The following SIAE variants were observed in gnomAD, a reference collection of about 807,000 sequenced individuals.
SIAE encodes sialate O-acetylesterase.
SIAE carries 39 observed loss-of-function variants against 52.6 expected under a neutral mutation model. The ratio of observed to expected loss-of-function variants is 0.74; its 90% CI spans 0.57 to 0.97. SIAE has a LOEUF of 0.97. Ranked by LOEUF, SIAE falls within the 50% of genes least tolerant of loss-of-function variation. The pLI, the probability that SIAE is intolerant of heterozygous loss-of-function variation, is 0.00. For synonymous variants in SIAE, 233 were observed against 241.4 expected (o/e 0.97, Z 0.32); for missense variants, 592 against 662.1 (o/e 0.89, Z 1.16).
intron 8 of SIAE, among the ~76,000 whole-genome samples, chr11:124,639,136 C>T (rs1942801590): frequency 6.6e-6 from 1 of 152,174 alleles, no homozygotes. Flanking sequence ...TTCATTTATT[C>T]AATAAATCAA....
upstream of SIAE, chr11:124,674,093 G>T (rs905727602): frequency 3.6e-5 from 9 of 248,006 alleles, no homozygotes; most frequent in Non-Finnish European, 7.2e-5. Flanking sequence ...GCGCGAGTCT[G>T]AAATCCCAGG....
intron 7 of SIAE, among the ~76,000 whole-genome samples, chr11:124,642,869 C>T (rs1449144038): frequency 1.3e-5 from 2 of 152,118 alleles, no homozygotes; most frequent in African/African-American, 4.8e-5. Context: ...AGAAGCCAGG[C>T]CCCCTCCCCT....
chr11:124,657,416 A>C (rs1943118275), intron 3 of SIAE, among the ~76,000 whole-genome samples: 1 of 152,186 alleles, frequency 6.6e-6, no homozygotes, highest in Admixed American at 6.5e-5. Context: ...CAGTGGATGA[A>C]ACTGCTTTCA....
intron 8 of SIAE, 42 bp from the exon 9 acceptor site, chr11:124,638,779 C>A: frequency 6.7e-7 from 1 of 1,486,176 alleles, no homozygotes; most frequent in Non-Finnish European, 9.4e-7. Flanking sequence ...GGTTTAAGCT[C>A]AACAATCACC....
Position 124,645,021 on chromosome 11 carries a change from T to A in SIAE, c.966+2344A>T, listed in dbSNP as rs933399518. 3.3e-5 allele frequency among the ~76,000 whole-genome samples: 5 copies of A among 152,118 alleles called. No individual in the cohort carries two copies. Among genetic ancestry groups the A allele is most frequent in the Admixed American group, 6.5e-5 (1 of 15,272 alleles). On this transcript the variant is annotated intron_variant, in intron 7 of 9. Coordinates refer to ENST00000263593, the MANE Select transcript of SIAE (RefSeq NM_170601.5). This position sits in a 1 kb window ranked among gnomAD's most constrained non-coding sequence, Gnocchi z 4.7. ...TGGTATGTTCCCGGCTTTCCATGGA[T>A]GAACTCATTCAATATTTAAAATAAC...
Position 124,633,833 on chromosome 11 carries a change from C to T in SIAE, c.*3118G>A, listed in dbSNP as rs995516878. ...GATATATGCTGCTTTTATCATATAA[C>T]AAATATTTTCCCACTATTACAGCCT... is the stretch of plus-strand genomic sequence containing the variant. On this transcript the variant is annotated 3_prime_UTR_variant, in exon 10 of 10. Coordinates refer to ENST00000263593, the MANE Select transcript of SIAE (RefSeq NM_170601.5). 2.6e-5 allele frequency: 4 copies of T among 152,128 alleles called. No individual in the cohort carries two copies. The highest frequency in any genetic ancestry group is 9.7e-5 in the African/African-American group (4 of 41,412). The allele number at this position is 152,128 out of a possible 1,614,324, so 9.4% of individuals were successfully genotyped here.
At chr11:124,673,887 A>G (rs1943417581), upstream of SIAE, 4 of 652,898 alleles carry the variant, frequency 6.1e-6, no homozygotes, top group Non-Finnish European at 1.0e-5. Context: ...TTTTTAAAGA[A>G]AAAACGGTTA....
At chr11:124,675,012 G>C (rs773943677), upstream of SIAE, 8 of 300,690 alleles carry the variant, frequency 2.7e-5, no homozygotes, top group Non-Finnish European at 4.8e-5. Context: ...TTTTTTGCAG[G>C]ATTTTAAATG....
chr11:124,669,695 CA>C (rs1357878245), intron 1 of SIAE, 174 bp from the exon 2 acceptor site: 12 of 672,912 alleles, frequency 1.8e-5, no homozygotes, highest in Non-Finnish European at 3.2e-5. Flanking sequence ...AGCAACATAA[CA>C]AGAACAGTTT....
At chr11:124,669,718 C>T in intron 1 of SIAE, 197 bp from the exon 2 acceptor site, 2 of 591,380 alleles carry the variant, frequency 3.4e-6, no homozygotes, top group East Asian at 3.1e-5. Context: ...CAACAGTATG[C>T]ATCATAGCAC....
rs1942731940 is a variant in SIAE, at chr11:124,636,057, T to G, written c.*894A>C. ...AAAGAGCCTGAGATTTATATTTAAC[T>G]CGAACAACAGTTTGCCTCTGTTGCC... On this transcript the variant is annotated 3_prime_UTR_variant, in exon 10 of 10. Transcript: ENST00000263593. 1 of 152,208 alleles carries G rather than the reference T, an allele frequency of 6.6e-6. No homozygotes were observed. Among genetic ancestry groups the G allele is most frequent in the East Asian group, 1.9e-4 (1 of 5,196 alleles). 9.4% of individuals were successfully genotyped at this position (152,208 alleles called of 1,614,324 possible).
Position 124,636,860 on chromosome 11 carries a change from C to T in SIAE, c.*91G>A. 6.4e-7 allele frequency: 1 copy of T among 1,573,344 alleles called. No individual in the cohort carries two copies. The highest frequency in any genetic ancestry group is 2.2e-5 in the East Asian group (1 of 44,666). On this transcript the variant is annotated 3_prime_UTR_variant, in exon 10 of 10. Coordinates refer to ENST00000263593, the MANE Select transcript of SIAE (RefSeq NM_170601.5). ...ATTCAATGAGGCTTTCTATTAATTT[C>T]CTTTAAAAGCAATGGTTATTATTGA...
intron 3 of SIAE, 29 bp downstream of exon 3, chr11:124,660,599 T>C: frequency 2.5e-6 from 4 of 1,611,352 alleles, no homozygotes; most frequent in East Asian, 2.2e-5. Context: ...ACCAACACTG[T>C]GTATTATTGC....
chr11:124,633,507 T>C lies in SIAE; in HGVS notation c.*3444A>G, dbSNP rs557456026. 6.6e-5 allele frequency: 10 copies of C among 152,304 alleles called. No homozygotes were observed. Among genetic ancestry groups the C allele is most frequent in the Admixed American group, 4.6e-4 (7 of 15,296 alleles). The allele number at this position is 152,304 out of a possible 1,614,324, so 9.4% of individuals were successfully genotyped here. On this transcript the variant is annotated 3_prime_UTR_variant, in exon 10 of 10. Transcript: ENST00000263593. ...ATGCACTGCCATTCATAATTGCCAA[T>C]TGAGGACAACACAAATGGGATTGGT...
rs1565412051 is a variant in SIAE, at chr11:124,649,939, T to C, written c.545-143A>G. The C allele has an allele frequency of 3.1e-5, 24 of 768,854 alleles. No individual in the cohort carries two copies. In the South Asian group the frequency reaches 3.6e-4, roughly 11 times the overall value. 47.6% of individuals were successfully genotyped at this position (768,854 alleles called of 1,614,324 possible). Reference sequence around the variant, plus strand: ...TAAGACTTTCAAAAGTAGGATAAGATTGAGAGGCACAGAGAAGATACAGCA... The same window carrying C: ...TAAGACTTTCAAAAGTAGGATAAGACTGAGAGGCACAGAGAAGATACAGCA... On this transcript the variant is annotated intron_variant, in intron 4 of 9. Coordinates refer to ENST00000263593, the MANE Select transcript of SIAE (RefSeq NM_170601.5).
chr11:124,668,598 G>T (rs568903291), intron 2 of SIAE, among the ~76,000 whole-genome samples: 8 of 152,268 alleles, frequency 5.3e-5, no homozygotes, highest in African/African-American at 1.7e-4. Context: ...GTGTTAATTC[G>T]TTTAATTCTC....
upstream of SIAE, chr11:124,675,745 G>C (rs1017836814): frequency 1.0e-5 from 2 of 200,414 alleles, no homozygotes; most frequent in Non-Finnish European, 1.0e-5. Context: ...GTCTACCCTC[G>C]CCACGTTCCA....
chr11:124,645,429 G>T lies in SIAE; in HGVS notation c.966+1936C>A, dbSNP rs1261899332. ...CGATTCTCCTGCCTCAGCCTCCAGA[G>T]TAGCTGGGATTACAGGGATGCGCCA... is the stretch of plus-strand genomic sequence containing the variant. On this transcript the variant is annotated intron_variant, in intron 7 of 9. Coordinates refer to ENST00000263593, the MANE Select transcript of SIAE (RefSeq NM_170601.5). The surrounding 1 kb of genome is among the most constrained non-coding windows in gnomAD (Gnocchi z 4.7). Among the ~76,000 whole-genome samples, 1 of 151,924 alleles carries T rather than the reference G, an allele frequency of 6.6e-6. No homozygotes were observed. Among genetic ancestry groups the T allele is most frequent in the African/African-American group, 2.4e-5 (1 of 41,354 alleles).
At chr11:124,662,974 GT>G (rs1943211546) in intron 2 of SIAE, among the ~76,000 whole-genome samples, 1 of 151,956 alleles carries the variant, frequency 6.6e-6, no homozygotes, top group African/African-American at 2.4e-5. Flanking sequence ...GTGAAACCCT[GT>G]CTCTACTAAA....
Sources: gnomAD v4.1 joint callset for allele counts (sites outside exome capture counted in the v4.1 genomes callset) on GRCh38, gnomAD v4.1.1 for gene constraint, Gnocchi (gnomAD v3.1) non-coding constraint, MANE v1.5 for transcripts, NCBI Gene and HGNC (gene_info 2026-07-23, HGNC 2026-07-21) for gene names.